Variants in UBR4 observed in about 807,000 individuals in gnomAD.
The protein encoded by UBR4 is ubiquitin protein ligase E3 component n-recognin 4, also known as E3 ubiquitin-protein ligase UBR4.
Under a neutral mutation model 575.6 loss-of-function variants are expected in UBR4, and 124 were observed. The observed-to-expected ratio is 0.22, with a 90% CI of 0.19 to 0.25. The LOEUF is 0.25. Ranked by LOEUF, UBR4 falls within the 10% of genes least tolerant of loss-of-function variation. The pLI is 1.00. For missense variants in UBR4, 4,818 were observed against 6,478.8 expected (o/e 0.74, Z 8.80); for synonymous variants, 2,455 against 2,473.7 (o/e 0.99, Z 0.22).
chr1:19,123,147 A>T lies in UBR4; in HGVS notation c.9589-87T>A. ...GCTCTCACACCCTGGGTTTTAATAA[A>T]CTGTTATTAAAAGCTGGGGACAGGC... On this transcript the variant is annotated intron_variant, in intron 65 of 105. Coordinates refer to ENST00000375254, the MANE Select transcript of UBR4 (RefSeq NM_020765.3). The T allele has an allele frequency of 4.3e-6, 6 of 1,409,796 alleles. No homozygotes were observed. In the Admixed American group the frequency reaches 8.1e-5, roughly 19 times the overall value. 87.3% of individuals were successfully genotyped at this position (1,409,796 alleles called of 1,614,324 possible). A position where few individuals can be genotyped will look rare whatever the true frequency, so the allele number is the denominator to read the frequency against.
chr1:19,099,703 T>C (rs1415818271), intron 89 of UBR4, 26 bp from the exon 90 acceptor site: 2 of 1,601,052 alleles, frequency 1.2e-6, no homozygotes, highest in East Asian at 4.5e-5. Context: ...GGTGAAGCTG[T>C]TGTTCCAAAT....
At chr1:19,160,730 C>G (rs552252790) in intron 38 of UBR4, among the ~76,000 whole-genome samples, 187 bp downstream of exon 38, 2 of 152,210 alleles carry the variant, frequency 1.3e-5, no homozygotes, top group Non-Finnish European at 2.9e-5. Context: ...CCCCATAATA[C>G]TCCTAATAGT....
intron 9 of UBR4, 61 bp downstream of exon 9, chr1:19,193,372 A>C: frequency 2.5e-6 from 4 of 1,578,854 alleles, no homozygotes; most frequent in East Asian, 2.3e-5. Flanking sequence ...AGAAAGTGGA[A>C]CTGGCCATAC....
chr1:19,167,130 A>G lies in UBR4; in HGVS notation c.4001T>C (p.Leu1334Pro). 6.2e-7 allele frequency: 1 copy of G among 1,614,200 alleles called. No individual in the cohort carries two copies. Among genetic ancestry groups the G allele is most frequent in the Non-Finnish European group, 8.5e-7 (1 of 1,180,034 alleles). The change falls in exon 29 of 106, where the codon CTG becomes CCG. Residue 1334 changes from leucine (L) to proline (P), a missense_variant. By Grantham distance (98) the Leu-to-Pro change is moderately conservative (BLOSUM62 -3). Around this residue, in one of 29 missense-constraint regions of UBR4, gnomAD observed 1,172 missense variants for 1,259.7 expected, o/e 0.93. Transcript: ENST00000375254. ...CTCAGCAGGGCCCAAGATGCGTTCC[A>G]GGGAGTTGCTACTGATCTCGGCAAC... ...ESVAEISSNSLERILGPAESD... is the reference protein window; with the variant it reads ...ESVAEISSNSPERILGPAESD...
chr1:19,116,298 G>A (rs1004688588), intron 73 of UBR4, among the ~76,000 whole-genome samples: 5 of 152,176 alleles, frequency 3.3e-5, no homozygotes, highest in East Asian at 1.9e-4. Flanking sequence ...TAGCAGAGCT[G>A]GGATCTGAAC....
intron 99 of UBR4, among the ~76,000 whole-genome samples, chr1:19,087,227 C>G (rs1228502236): frequency 6.6e-6 from 1 of 152,264 alleles, no homozygotes; most frequent in East Asian, 1.9e-4. Context: ...AGCCCTGTGG[C>G]CCAGGCACCT....
chr1:19,112,759 A>T lies in UBR4; in HGVS notation c.11566T>A (p.Tyr3856Asn). 1 of 1,614,220 alleles carries T rather than the reference A, an allele frequency of 6.2e-7. No homozygotes were observed. The highest frequency in any genetic ancestry group is 8.5e-7 in the Non-Finnish European group (1 of 1,180,026). Reference protein sequence around the residue: ...SVQPTFTASQYRALSVLGCGH... With the variant: ...SVQPTFTASQNRALSVLGCGH... Reference sequence around the variant, plus strand: ...CAGCCCAGGACGGATAAGGCACGGTACTGGCTGGCAGTGAATGTGGGCTGC... The same window carrying T: ...CAGCCCAGGACGGATAAGGCACGGTTCTGGCTGGCAGTGAATGTGGGCTGC... Residue 3856 changes from tyrosine (Y) to asparagine (N), a missense_variant, in exon 78 of 106, where the codon TAC becomes AAC. Physicochemically the swap from Tyr to Asn is moderately radical, Grantham distance 143. This residue lies in a region of UBR4 where 333 missense variants were observed against 459.2 expected (regional missense o/e 0.73). Coordinates refer to ENST00000375254, the MANE Select transcript of UBR4 (RefSeq NM_020765.3).
At chr1:19,187,122 G>T (rs753151590) in intron 13 of UBR4, 42 bp downstream of exon 13, 1 of 1,499,580 alleles carries the variant, frequency 6.7e-7, no homozygotes, top group Non-Finnish European at 9.0e-7. Flanking sequence ...TATATAAAAT[G>T]AGACATTCTT....
Position 19,197,818 on chromosome 1 carries a change from G to T in UBR4, c.752-7C>A. ...AGTAGCTTCTCCGAGCCACCTAAAT[G>T]AATGAAAACCACAACCTTACAAACA... On this transcript the variant is annotated splice_region_variant and splice_polypyrimidine_tract_variant and intron_variant, in intron 6 of 105. Coordinates refer to ENST00000375254, the MANE Select transcript of UBR4 (RefSeq NM_020765.3). 1.2e-6 allele frequency: 2 copies of T among 1,613,970 alleles called. No individual in the cohort carries two copies. The highest frequency in any genetic ancestry group is 1.7e-6 in the Non-Finnish European group (2 of 1,179,964).
At chr1:19,107,762 G>A (rs1307901567) in intron 81 of UBR4, among the ~76,000 whole-genome samples, 1 of 151,926 alleles carries the variant, frequency 6.6e-6, no homozygotes, top group African/African-American at 2.4e-5. Context: ...TCCAGCCTGG[G>A]TGACAGAATG....
chr1:19,194,075 A>T (rs889246193), intron 8 of UBR4, among the ~76,000 whole-genome samples: 2 of 152,242 alleles, frequency 1.3e-5, no homozygotes, highest in Admixed American at 1.3e-4. Flanking sequence ...GGGGATTTTT[A>T]GGATAGTGAA....
rs370553144 is a variant in UBR4 at position 19,112,663 on chromosome 1, G to C, written c.11662C>G (p.Arg3888Gly). Residue 3888 changes from arginine (R) to glycine (G), a missense_variant, in exon 78 of 106, where the codon CGG becomes GGG. By Grantham distance (125) the Arg-to-Gly change is moderately radical (BLOSUM62 -2). This residue lies in a region of UBR4 where 333 missense variants were observed against 459.2 expected (regional missense o/e 0.73). Coordinates refer to ENST00000375254, the MANE Select transcript of UBR4 (RefSeq NM_020765.3). ...AVTEHCITLL[R>G]ALATNPALRH... ...AAGGCTGGGTTGGTGGCCAGGGCCC[G>C]AAGTAGTGTGATACAATGTTCTGTG... The C allele has an allele frequency of 1.2e-6, 2 of 1,614,116 alleles. No individual in the cohort carries two copies. Among genetic ancestry groups the C allele is most frequent in the Non-Finnish European group, 1.7e-6 (2 of 1,180,048 alleles).
At chr1:19,113,612 T>C (rs2080155983) in intron 77 of UBR4, 87 bp downstream of exon 77, 4 of 1,568,984 alleles carry the variant, frequency 2.5e-6, no homozygotes, top group African/African-American at 2.7e-5. Context: ...CCTGGACTGC[T>C]AGATGAGAGA....
rs2087840637 is a variant in UBR4, at chr1:19,163,961, T to C, written c.4701-134A>G. The C allele has an allele frequency of 4.2e-5, 41 of 967,688 alleles. No homozygotes were observed. The South Asian group carries it at 5.9e-4, about 14-fold the overall frequency. 59.9% of individuals were successfully genotyped at this position (967,688 alleles called of 1,614,324 possible). ...GCAGAAGCATTCTTAGAAAACTCCATAAGTACTATATAGTTACATAGCTTG... is the reference window on the plus strand; with the variant it reads ...GCAGAAGCATTCTTAGAAAACTCCACAAGTACTATATAGTTACATAGCTTG... On this transcript the variant is annotated intron_variant, in intron 33 of 105. Transcript: ENST00000375254.
intron 13 of UBR4, among the ~76,000 whole-genome samples, chr1:19,186,940 GATAATTA>G (rs2091585480): frequency 6.6e-6 from 1 of 151,844 alleles, no homozygotes; most frequent in East Asian, 1.9e-4. Flanking sequence ...TCACAAAACT[GATAATTA>G]ATAACTGATT....
intron 105 of UBR4, 146 bp downstream of exon 105, chr1:19,076,594 C>A (rs878919343): frequency 3.6e-6 from 4 of 1,104,026 alleles, no homozygotes; most frequent in Non-Finnish European, 4.0e-6. Flanking sequence ...ATTTACGCAT[C>A]TTTCCCAGGG....
rs772345403 is a variant in UBR4 at position 19,154,931 on chromosome 1, T to C, written c.6445A>G (p.Ile2149Val). 5 of 1,614,140 alleles carry C rather than the reference T, an allele frequency of 3.1e-6. No individual in the cohort carries two copies. The highest frequency in any genetic ancestry group is 3.4e-6 in the Non-Finnish European group (4 of 1,180,012). The change falls in exon 44 of 106, where the codon ATC (isoleucine) becomes GTC (valine). Residue 2149 changes from isoleucine (I) to valine (V), a missense_variant. Coordinates refer to ENST00000375254, the MANE Select transcript of UBR4 (RefSeq NM_020765.3). ...TTLEVLQLFP[I>V]NIKSSNGGSK... Reference sequence around the variant, plus strand: ...GTTCATTCCCACCTTTTGATGTTGATGGGGAAGAGTTGCAACACCTCCAGG... The same window carrying C: ...GTTCATTCCCACCTTTTGATGTTGACGGGGAAGAGTTGCAACACCTCCAGG...
At chr1:19,202,481 A>C (rs1558029800) in intron 1 of UBR4, among the ~76,000 whole-genome samples, 1 of 152,188 alleles carries the variant, frequency 6.6e-6, no homozygotes, top group Non-Finnish European at 1.5e-5. Context: ...ATTTTAGACC[A>C]AATAAGGCTG....
chr1:19,193,591 A>G (rs1283826601), intron 8 of UBR4, 34 bp from the exon 9 acceptor site: 1 of 1,575,938 alleles, frequency 6.3e-7, no homozygotes, highest in Admixed American at 1.9e-5. Context: ...TCAGCCATGG[A>G]GTGCATCCAA....
Sources: allele counts gnomAD v4.1 joint callset (sites outside exome capture counted in the v4.1 genomes callset), GRCh38; gene constraint gnomAD v4.1.1; regional missense constraint gnomAD v4.1.1; transcripts MANE v1.5; gene names NCBI Gene and HGNC (gene_info 2026-07-23, HGNC 2026-07-21).